Variants in ADAMTS3 observed in about 807,000 individuals in gnomAD.
ADAMTS3 encodes A disintegrin and metalloproteinase with thrombospondin motifs 3.
A neutral mutation model predicts 129.0 loss-of-function variants in ADAMTS3; 73 were observed. The ratio of observed to expected loss-of-function variants is 0.57; its 90% CI spans 0.47 to 0.69. The LOEUF is 0.69. Ranked by LOEUF, ADAMTS3 falls within the 30% of genes least tolerant of loss-of-function variation. The pLI, the probability that ADAMTS3 is intolerant of heterozygous loss-of-function variation, is 0.00. For synonymous variants in ADAMTS3, 477 were observed against 510.8 expected (o/e 0.93, Z 0.89); for missense variants, 1,457 against 1,514.5 (o/e 0.96, Z 0.63).
At chr4:72,549,785 A>T (rs1478605114) in intron 2 of ADAMTS3, among the ~76,000 whole-genome samples, 2 of 151,492 alleles carry the variant, frequency 1.3e-5, no homozygotes, top group Non-Finnish European at 2.9e-5. Flanking sequence ...TGAATTTCAC[A>T]ATTAGCACTT....
intron 3 of ADAMTS3, among the ~76,000 whole-genome samples, chr4:72,496,693 T>C (rs558460724): frequency 6.6e-6 from 1 of 152,072 alleles, no homozygotes; most frequent in Non-Finnish European, 1.5e-5. Flanking sequence ...GGAGGGAAGA[T>C]AGTAAACATA....
At chr4:72,369,418 A>G (rs918935730) in intron 4 of ADAMTS3, among the ~76,000 whole-genome samples, 20 of 151,874 alleles carry the variant, frequency 1.3e-4, no homozygotes, top group Non-Finnish European at 4.4e-5. Context: ...AACAAGTACT[A>G]AAAAAAATGT....
At chr4:72,520,003 C>G (rs1357896443) in intron 3 of ADAMTS3, among the ~76,000 whole-genome samples, 1 of 152,044 alleles carries the variant, frequency 6.6e-6, no homozygotes, top group Admixed American at 6.6e-5. Context: ...TGGTGATGTA[C>G]AGATGGGTTT....
chr4:72,343,572 AAAC>A (rs1331094036), intron 4 of ADAMTS3, among the ~76,000 whole-genome samples: 3 of 152,156 alleles, frequency 2.0e-5, no homozygotes, highest in African/African-American at 7.2e-5. Flanking sequence ...TATCTTTGAA[AAAC>A]AACCTTTGAG....
intron 3 of ADAMTS3, among the ~76,000 whole-genome samples, chr4:72,455,030 C>G (rs1718505820): frequency 6.6e-6 from 1 of 151,438 alleles, no homozygotes. Flanking sequence ...AGGAACAAAC[C>G]AACAGCAGCA....
At chr4:72,546,544 AG>A (rs1721471880) in intron 3 of ADAMTS3, among the ~76,000 whole-genome samples, 1 of 152,172 alleles carries the variant, frequency 6.6e-6, no homozygotes, top group Non-Finnish European at 1.5e-5. Flanking sequence ...AACCCAGTAG[AG>A]CCATTAGCTA....
At chr4:72,341,350 C>A (rs1720132441) in intron 4 of ADAMTS3, among the ~76,000 whole-genome samples, 1 of 152,152 alleles carries the variant, frequency 6.6e-6, no homozygotes, top group Non-Finnish European at 1.5e-5. Context: ...ATTCTCCTCA[C>A]CAAGGAATTA....
chr4:72,512,092 A>G (rs1720331308), intron 3 of ADAMTS3, among the ~76,000 whole-genome samples: 1 of 152,176 alleles, frequency 6.6e-6, no homozygotes, highest in Non-Finnish European at 1.5e-5. Flanking sequence ...TGTAGAGAGT[A>G]GAAGGATGGT....
chr4:72,291,432 G>T (rs1002052653), intron 19 of ADAMTS3, among the ~76,000 whole-genome samples: 98 of 127,354 alleles, frequency 7.7e-4, no homozygotes, highest in African/African-American at 2.9e-3. Context: ...CCCAGAGTGT[G>T]ATGTTCCCCT....
chr4:72,309,987 C>G (rs1043940884), intron 14 of ADAMTS3, among the ~76,000 whole-genome samples: 5 of 152,004 alleles, frequency 3.3e-5, no homozygotes, highest in Admixed American at 6.6e-5. Flanking sequence ...CAAAGAAACA[C>G]AGAATAGAAA....
chr4:72,477,167 A>C (rs779117516), intron 3 of ADAMTS3, among the ~76,000 whole-genome samples: 33 of 152,132 alleles, frequency 2.2e-4, no homozygotes, highest in Non-Finnish European at 3.7e-4. Context: ...ATATAGATTG[A>C]ACTCAGCTCT....
intron 3 of ADAMTS3, among the ~76,000 whole-genome samples, chr4:72,443,818 G>C (rs1042850099): frequency 2.6e-5 from 4 of 151,498 alleles, no homozygotes; most frequent in African/African-American, 9.7e-5. Context: ...AGTAATACTG[G>C]TCATTTTGGT....
At chr4:72,451,735 T>C (rs1221697661) in intron 3 of ADAMTS3, among the ~76,000 whole-genome samples, 2 of 151,666 alleles carry the variant, frequency 1.3e-5, no homozygotes, top group South Asian at 2.1e-4. Flanking sequence ...AAAGGAAATA[T>C]GATTGACCCA....
intron 3 of ADAMTS3, among the ~76,000 whole-genome samples, chr4:72,465,669 T>C (rs1718899650): frequency 1.3e-5 from 2 of 151,984 alleles, no homozygotes; most frequent in South Asian, 2.1e-4. Flanking sequence ...GGGCAATAAA[T>C]ACAAAGCACA....
intron 3 of ADAMTS3, among the ~76,000 whole-genome samples, chr4:72,471,538 T>C (rs1220186641): frequency 1.3e-5 from 2 of 152,140 alleles, no homozygotes; most frequent in Non-Finnish European, 2.9e-5. Context: ...ATTTGTTTCA[T>C]TTCCAACTGC....
chr4:72,401,393 C>T (rs1002550401), intron 4 of ADAMTS3, among the ~76,000 whole-genome samples: 8 of 151,040 alleles, frequency 5.3e-5, no homozygotes, highest in Non-Finnish European at 1.2e-4. Context: ...ACAGTGAAAC[C>T]CCGTCTCTAC....
intron 5 of ADAMTS3, among the ~76,000 whole-genome samples, chr4:72,331,485 G>T (rs959812752): frequency 6.6e-6 from 1 of 152,048 alleles, no homozygotes; most frequent in African/African-American, 2.4e-5. Flanking sequence ...CTAAAACACG[G>T]ACTGATCAAG....
intron 3 of ADAMTS3, among the ~76,000 whole-genome samples, chr4:72,524,544 A>T (rs1170492983): frequency 2.0e-5 from 3 of 151,932 alleles, no homozygotes; most frequent in African/African-American, 4.8e-5. Context: ...CTTTATTATT[A>T]TTATTAATTA....
chr4:72,525,522 T>A (rs1238812448), intron 3 of ADAMTS3, among the ~76,000 whole-genome samples: 1 of 152,210 alleles, frequency 6.6e-6, no homozygotes, highest in African/African-American at 2.4e-5. Context: ...CTTTTAGGAA[T>A]ACATGTGCTC....
Sources: gnomAD v4.1 joint callset for allele counts (sites outside exome capture counted in the v4.1 genomes callset) on GRCh38, gnomAD v4.1.1 for gene constraint, MANE v1.5 for transcripts, NCBI Gene and HGNC (gene_info 2026-07-23, HGNC 2026-07-21) for gene names.